Variants in RERE observed in about 807,000 individuals in gnomAD.
RERE encodes the protein arginine-glutamic acid dipeptide repeats protein.
Under a neutral mutation model 146.1 loss-of-function variants are expected in RERE, and 40 were observed. The observed-to-expected ratio is 0.27, with a 90% CI of 0.21 to 0.36. The LOEUF is 0.36. RERE is among the 10% of genes least tolerant of loss of function. The pLI is 1.00. For synonymous variants in RERE, 1,003 were observed against 866.0 expected, an observed-to-expected ratio of 1.16 and a Z score of -2.78; for missense variants, 1,933 against 2,138.7, an observed-to-expected ratio of 0.90 and a Z score of 1.90.
intron 1 of RERE, among the ~76,000 whole-genome samples, chr1:8,684,396 T>TA (rs1023480110): frequency 1.6e-4 from 25 of 151,982 alleles, no homozygotes; most frequent in Non-Finnish European, 4.4e-5. Context: ...AATTTATCAT[T>TA]AAAAAAAATC....
At chr1:8,399,605 G>A (rs562649119) in intron 12 of RERE, among the ~76,000 whole-genome samples, 8 of 151,842 alleles carry the variant, frequency 5.3e-5, no homozygotes, top group African/African-American at 1.7e-4. Context: ...TGCTATTCTT[G>A]GACCTTTATT....
At chr1:8,603,859 G>A (rs1254624876) in intron 4 of RERE, among the ~76,000 whole-genome samples, 1 of 146,754 alleles carries the variant, frequency 6.8e-6, no homozygotes, top group African/African-American at 2.5e-5. Context: ...TCAGGAGGTT[G>A]AGACAGAGAG....
chr1:8,556,309 A>G (rs1646006006), intron 6 of RERE, among the ~76,000 whole-genome samples, 166 bp downstream of exon 6: 1 of 152,146 alleles, frequency 6.6e-6, no homozygotes, highest in African/African-American at 2.4e-5. Flanking sequence ...GACACGGAGA[A>G]CCTCTGCAAT....
intron 8 of RERE, among the ~76,000 whole-genome samples, chr1:8,501,450 C>G (rs1319534353): frequency 8.5e-5 from 5 of 59,046 alleles, no homozygotes; most frequent in South Asian, 5.4e-4. Context: ...CCGGCCGCCC[C>G]TACTGGGAAG....
At chr1:8,572,208 T>C (rs929425804) in intron 4 of RERE, among the ~76,000 whole-genome samples, 3 of 152,170 alleles carry the variant, frequency 2.0e-5, no homozygotes, top group Admixed American at 6.5e-5. Flanking sequence ...TTGTGTAACC[T>C]CCACCAAAAT....
chr1:8,808,715 C>T (rs1326692631), intron 1 of RERE, among the ~76,000 whole-genome samples: 2 of 152,128 alleles, frequency 1.3e-5, no homozygotes, highest in African/African-American at 2.4e-5. Context: ...TAGACAAATA[C>T]TACAGCTTGG....
At chr1:8,725,273 A>G (rs552766882) in intron 1 of RERE, among the ~76,000 whole-genome samples, 1 of 152,256 alleles carries the variant, frequency 6.6e-6, no homozygotes, top group East Asian at 1.9e-4. Flanking sequence ...CTACGTCAAA[A>G]TAACTATTTT....
At chr1:8,732,808 C>CTTTTT (rs59337140) in intron 1 of RERE, among the ~76,000 whole-genome samples, 63 of 65,728 alleles carry the variant, frequency 9.6e-4, no homozygotes, top group East Asian at 1.2e-3. Flanking sequence ...TTCAATTTTT[C>CTTTTT]TTTTTTTTTT....
chr1:8,420,478 G>T (rs952302007), intron 12 of RERE, among the ~76,000 whole-genome samples: 1 of 152,084 alleles, frequency 6.6e-6, no homozygotes, highest in Non-Finnish European at 1.5e-5. Flanking sequence ...CCTCCCTGTG[G>T]GCTGTGAATG....
Position 8,693,186 on chromosome 1 carries a change from G to A in RERE, c.-144-36745C>T, listed in dbSNP as rs142923263. The stretch of plus-strand genomic sequence containing the variant: ...AGACACCTCGCAAGACAGCATGGCC[G>A]TTTCTTACAAAACTAAACATACTCT... On this transcript the variant is annotated intron_variant, in intron 1 of 22. Coordinates refer to ENST00000400908, the MANE Select transcript of RERE (RefSeq NM_001042681.2). Among the ~76,000 whole-genome samples, 53 of 152,254 alleles carry A rather than the reference G, an allele frequency of 3.5e-4. 1 individual carries two copies. Among genetic ancestry groups the A allele is most frequent in the African/African-American group, 8.4e-4 (35 of 41,538 alleles).
At chr1:8,547,392 G>C (rs1645876974) in intron 6 of RERE, among the ~76,000 whole-genome samples, 2 of 150,450 alleles carry the variant, frequency 1.3e-5, no homozygotes, top group African/African-American at 4.9e-5. Flanking sequence ...AAAATCCAGA[G>C]GCAATAAAAG....
chr1:8,432,840 G>A (rs1644113191), intron 11 of RERE, among the ~76,000 whole-genome samples: 1 of 152,132 alleles, frequency 6.6e-6, no homozygotes, highest in South Asian at 2.1e-4. Flanking sequence ...CAAGAAGAAT[G>A]GAGAAGTAAA....
At chr1:8,731,195 ACTT>A (rs1640071781) in intron 1 of RERE, among the ~76,000 whole-genome samples, 1 of 152,144 alleles carries the variant, frequency 6.6e-6, no homozygotes, top group African/African-American at 2.4e-5. Context: ...GAGAGTTAAA[ACTT>A]CTGGAGGTCC....
intron 1 of RERE, among the ~76,000 whole-genome samples, chr1:8,686,602 T>G (rs1011021705): frequency 6.6e-6 from 1 of 151,892 alleles, no homozygotes; most frequent in Non-Finnish European, 1.5e-5. Flanking sequence ...ATACAAAAAT[T>G]AGCTGGGTGT....
intron 1 of RERE, among the ~76,000 whole-genome samples, chr1:8,696,640 T>C (rs1639336627): frequency 6.6e-6 from 1 of 151,954 alleles, no homozygotes; most frequent in Non-Finnish European, 1.5e-5. Flanking sequence ...CTGGGCGCGG[T>C]GGTTCACGCC....
At chr1:8,495,252 C>T in intron 9 of RERE, 90 bp from the exon 10 acceptor site, 2 of 933,812 alleles carry the variant, frequency 2.1e-6, no homozygotes, top group Non-Finnish European at 3.5e-6. Context: ...ATTTCCAGCC[C>T]AGAACAAATT....
At chr1:8,569,090 T>C (rs1412885454) in intron 4 of RERE, among the ~76,000 whole-genome samples, 1 of 152,034 alleles carries the variant, frequency 6.6e-6, no homozygotes, top group Non-Finnish European at 1.5e-5. Context: ...GCAGCTCTGG[T>C]TTTATCAGAT....
At position 8,580,111 on chromosome 1, in the gene RERE, C is replaced by T. The variant is rs75370569; in HGVS notation, c.523-22588G>A. On this transcript the variant is annotated intron_variant, in intron 4 of 22. Coordinates refer to ENST00000400908, the MANE Select transcript of RERE (RefSeq NM_001042681.2). ...GAAAATTAACTGACATTATAGACAA[C>T]GTCAAGTAATTTGACATCATCTCTT... 5.3e-5 allele frequency among the ~76,000 whole-genome samples: 8 copies of T among 152,326 alleles called. No homozygotes were observed. In the East Asian group the frequency reaches 1.2e-3, roughly 22 times the overall value.
intron 7 of RERE, among the ~76,000 whole-genome samples, chr1:8,524,660 G>A (rs527722836): frequency 7.6e-4 from 115 of 152,286 alleles, no homozygotes; most frequent in African/African-American, 2.6e-3. Flanking sequence ...GAAACAAAAA[G>A]GAGCAAACAG....
Sources: allele counts gnomAD v4.1 joint callset (sites outside exome capture counted in the v4.1 genomes callset), GRCh38; gene constraint gnomAD v4.1.1; transcripts MANE v1.5; gene names NCBI Gene and HGNC (gene_info 2026-07-23, HGNC 2026-07-21).